AFDN: variants seen among roughly 807,000 people sequenced by gnomAD.
AFDN encodes the protein afadin, adherens junction formation factor, also known as afadin.
Under a neutral mutation model 216.6 loss-of-function variants are expected in AFDN, and 68 were observed. The ratio of observed to expected loss-of-function variants is 0.31; its 90% confidence interval spans 0.26 to 0.38. The LOEUF is 0.38. Ranked by LOEUF, AFDN falls within the 10% of genes least tolerant of loss-of-function variation. The probability of loss-of-function intolerance (pLI) is 1.00; values close to 1 mark genes in which losing one functional copy is unlikely to be tolerated. For synonymous variants in AFDN, 868 were observed against 853.7 expected (o/e 1.02, Z -0.29); for missense variants, 2,136 against 2,342.0 (o/e 0.91, Z 1.82).
rs1441865260 is a variant in AFDN at position 167,889,316 on chromosome 6, A to T, written c.999A>T (p.Pro333=). Residue 333 remains proline, a synonymous_variant, in exon 7 of 34, where the codon CCA becomes CCT. Transcript: ENST00000683244. ...ECPLQIFREW[P]SDKGILVFQL... is the part of the protein sequence containing the mutation. ...CTTTACAAATCTTCAGGGAATGGCC[A>T]AGTGACAAAGGTAGTAACCTTATTA... 6.2e-7 allele frequency: 1 copy of T among 1,609,202 alleles called. No homozygotes were observed.
At chr6:167,879,403 G>A (rs1212694851) in intron 5 of AFDN, among the ~76,000 whole-genome samples, 1 of 152,200 alleles carries the variant, frequency 6.6e-6, no homozygotes. Context: ...TTAAGAATTT[G>A]CTTCAAGAAA....
chr6:167,963,306 A>T (rs1797221896), intron 31 of AFDN: 1 of 1,063,200 alleles, frequency 9.4e-7, no homozygotes, highest in South Asian at 4.6e-5. Context: ...GGCCTGTTTC[A>T]TCCCGAGGGG....
intron 29 of AFDN, among the ~76,000 whole-genome samples, chr6:167,950,246 C>CT (rs1385847888): frequency 6.6e-6 from 1 of 152,150 alleles, no homozygotes; most frequent in Admixed American, 6.5e-5. Context: ...TGGTTTACAT[C>CT]TTTAATTTGT....
At chr6:167,902,873 T>TG (rs1789167278) in intron 12 of AFDN, among the ~76,000 whole-genome samples, 1 of 152,204 alleles carries the variant, frequency 6.6e-6, no homozygotes, top group Non-Finnish European at 1.5e-5. Context: ...TGGCCCCAAA[T>TG]GTGGGTTGTC....
At chr6:167,856,318 C>T (rs138854626) in intron 1 of AFDN, among the ~76,000 whole-genome samples, 1 of 151,918 alleles carries the variant, frequency 6.6e-6, no homozygotes, top group Admixed American at 6.6e-5. Flanking sequence ...GAGAAAAAAA[C>T]CTGTAGTATA....
intron 24 of AFDN, 54 bp downstream of exon 24, chr6:167,943,248 T>A: frequency 6.5e-7 from 1 of 1,527,692 alleles, no homozygotes. Flanking sequence ...ATTCAGCAAA[T>A]GATGTGAGAG....
In AFDN at chr6:167,907,270, T is replaced by C; in HGVS notation, c.1750T>C (p.Tyr584His). ...GATCAGAGTAGAACAGCAGCCAGAT[T>C]ATCGCAGGCAAGAAAGCAGGTAGGA... ...PMIRVEQQPD[Y>H]RRQESRTQDA... The change falls in exon 13 of 34, where the codon TAT (tyrosine) becomes CAT (histidine). Residue 584 changes from tyrosine (Y) to histidine (H), a missense_variant. Transcript: ENST00000683244. The C allele has an allele frequency of 1.2e-6, 2 of 1,614,000 alleles. No homozygotes were observed. The highest frequency in any genetic ancestry group is 1.7e-6 in the Non-Finnish European group (2 of 1,179,868).
chr6:167,932,937 TGCTGCAAATTCTTAA>T (rs1186385970), intron 23 of AFDN, among the ~76,000 whole-genome samples: 1 of 152,248 alleles, frequency 6.6e-6, no homozygotes, highest in Non-Finnish European at 1.5e-5. Flanking sequence ...GCTACTTTTG[TGCTGCAAATTCTTAA>T]GCTTCATAAA....
At chr6:167,966,246 T>G (rs1402871241) in intron 32 of AFDN, 1 of 1,528,746 alleles carries the variant, frequency 6.5e-7, no homozygotes. Flanking sequence ...AAAATCCAGC[T>G]CCTACCATCC....
chr6:167,952,772 A>G (rs1796137137), intron 30 of AFDN, among the ~76,000 whole-genome samples: 1 of 152,248 alleles, frequency 6.6e-6, no homozygotes, highest in Non-Finnish European at 1.5e-5. Flanking sequence ...CATTACATTT[A>G]CAGTCATTAC....
intron 31 of AFDN, chr6:167,963,361 G>C (rs908616214): frequency 9.4e-7 from 1 of 1,059,324 alleles, no homozygotes; most frequent in African/African-American, 1.6e-5. Flanking sequence ...GCTCTTCTCT[G>C]TTACTTCCCT....
intron 33 of AFDN, among the ~76,000 whole-genome samples, chr6:167,969,477 A>G (rs566457218): frequency 2.0e-5 from 3 of 152,306 alleles, no homozygotes; most frequent in East Asian, 1.9e-4. Flanking sequence ...CTGTATTTTA[A>G]AACTGTACCC....
chr6:167,914,803 C>G, intron 18 of AFDN, 65 bp downstream of exon 18: 2 of 1,161,848 alleles, frequency 1.7e-6, no homozygotes, highest in Non-Finnish European at 2.6e-6. Context: ...CATTTTAATG[C>G]TTAGCGTAGG....
At chr6:167,925,167 T>A in intron 23 of AFDN, 76 bp downstream of exon 23, 1 of 1,044,198 alleles carries the variant, frequency 9.6e-7, no homozygotes, top group Non-Finnish European at 1.5e-6. Flanking sequence ...GAGTGGATCG[T>A]GTGGGAGTAC....
chr6:167,915,120 T>C (rs1790881737), intron 18 of AFDN, 48 bp from the exon 19 acceptor site: 1 of 1,597,560 alleles, frequency 6.3e-7, no homozygotes, highest in Non-Finnish European at 8.5e-7. Flanking sequence ...AAAGGCTTCT[T>C]CCTGGATGAC....
intron 30 of AFDN, 172 bp downstream of exon 30, chr6:167,952,359 C>G: frequency 6.7e-7 from 1 of 1,500,138 alleles, no homozygotes; most frequent in Non-Finnish European, 8.9e-7. Context: ...AGAAATGAGT[C>G]AGGCCTATAA....
chr6:167,871,025 A>G (rs1784728966), intron 3 of AFDN, among the ~76,000 whole-genome samples: 1 of 152,220 alleles, frequency 6.6e-6, no homozygotes, highest in Admixed American at 6.5e-5. Flanking sequence ...ATCAAGTGGC[A>G]TCTTACACAA....
intron 1 of AFDN, chr6:167,863,698 G>C (rs1029077676): frequency 2.1e-6 from 1 of 477,524 alleles, no homozygotes; most frequent in African/African-American, 2.0e-5. Context: ...GGAAATAATG[G>C]GAAAGGACAT....
rs747086473 is a variant in AFDN, at chr6:167,864,607, C to T, written c.162C>T (p.Asn54=). ...ATTTTCAAGATAAAGCTGCTGGAAA[C>T]TTTGCAACAAAATGTATTCGGGTCT... ...RFYFQDKAAG[N]FATKCIRVSS... is the part of the protein sequence containing the mutation. The change falls in exon 2 of 34, where the codon AAC becomes AAT. Residue 54 remains asparagine (N), a synonymous_variant. Coordinates refer to ENST00000683244, the MANE Select transcript of AFDN (RefSeq NM_001386888.1). 6.2e-7 allele frequency: 1 copy of T among 1,614,170 alleles called. No individual in the cohort carries two copies.
Sources: gnomAD v4.1 joint callset for allele counts (sites outside exome capture counted in the v4.1 genomes callset) on GRCh38, gnomAD v4.1.1 for gene constraint, MANE v1.5 for transcripts, NCBI Gene and HGNC (gene_info 2026-07-23, HGNC 2026-07-21) for gene names.